The following LONP2 variants were observed in gnomAD, a reference collection of about 807,000 sequenced individuals.
LONP2 encodes lon peptidase 2, peroxisomal, also known as lon protease homolog 2, peroxisomal.
A neutral mutation model predicts 85.6 loss-of-function variants in LONP2; 60 were observed. The ratio of observed to expected loss-of-function variants is 0.70; its 90% confidence interval spans 0.57 to 0.87. The LOEUF (loss-of-function observed/expected upper bound fraction) is 0.87, where lower values mean the gene tolerates loss of function less well. Among genes scored for constraint, LONP2 ranks in the 40% least tolerant of loss-of-function variants. LONP2 has a pLI of 0.00. For synonymous variants in LONP2, 395 were observed against 389.7 expected, an observed-to-expected ratio of 1.01 and a Z score of -0.16; for missense variants, 860 against 1,063.5, an observed-to-expected ratio of 0.81 and a Z score of 2.66.
At position 48,353,995 on chromosome 16, in the gene LONP2, T is replaced by TTTTG. The variant is rs1218233668; in HGVS notation, c.*2197_*2200dup. On this transcript the variant is annotated 3_prime_UTR_variant, in exon 15 of 15. Coordinates refer to ENST00000285737, the MANE Select transcript of LONP2 (RefSeq NM_031490.5). ...TTGCACTAGCTTTGTTTTTGGTTTG[T>TTTTG]TTTGTTTTTTTTTTAATTCCAGGGG... 6.7e-6 allele frequency: 1 copy of TTTTG among 148,156 alleles called. No homozygotes were observed. The highest frequency in any genetic ancestry group is 2.0e-4 in the East Asian group (1 of 5,106). The allele number at this position is 148,156 out of a possible 1,614,324, so 9.2% of individuals were successfully genotyped here.
At chr16:48,329,391 C>T (rs1396350655) in intron 11 of LONP2, among the ~76,000 whole-genome samples, 1 of 152,220 alleles carries the variant, frequency 6.6e-6, no homozygotes, top group Non-Finnish European at 1.5e-5. Context: ...TTTAGCCACT[C>T]AGCAGCCATC....
At chr16:48,264,132 T>C (rs1971936966) in intron 6 of LONP2, among the ~76,000 whole-genome samples, 1 of 152,216 alleles carries the variant, frequency 6.6e-6, no homozygotes, top group Non-Finnish European at 1.5e-5. Flanking sequence ...AAATTGCTAA[T>C]GAAGTTTCGG....
At chr16:48,331,690 G>A (rs769976321) in intron 11 of LONP2, among the ~76,000 whole-genome samples, 10 of 151,244 alleles carry the variant, frequency 6.6e-5, no homozygotes, top group Non-Finnish European at 1.0e-4. Flanking sequence ...TCAGCCTCCC[G>A]AGTAGCTGGG....
At position 48,244,395 on chromosome 16, in the gene LONP2, T is replaced by A; in HGVS notation, c.7T>A (p.Ser3Thr). ...AGTGCGAAAGGCTGCCAGCATGTCA[T>A]CAGTGAGCCCCATCCAGATCCCCAG... is the stretch of plus-strand genomic sequence containing the variant. Reference protein sequence around the residue: MSSVSPIQIPSRL... With the variant: MSTVSPIQIPSRL... The change falls in exon 1 of 15, where the codon TCA (serine) becomes ACA (threonine). Residue 3 changes from serine to threonine, a missense_variant. Coordinates refer to ENST00000285737, the MANE Select transcript of LONP2 (RefSeq NM_031490.5). 6.5e-7 allele frequency: 1 copy of A among 1,549,578 alleles called. No individual in the cohort carries two copies. Among genetic ancestry groups the A allele is most frequent in the South Asian group, 1.2e-5 (1 of 85,750 alleles).
intron 14 of LONP2, among the ~76,000 whole-genome samples, chr16:48,348,713 C>G (rs1411708966): frequency 1.3e-5 from 2 of 152,076 alleles, no homozygotes; most frequent in Non-Finnish European, 1.5e-5. Context: ...AGGCTTGTCT[C>G]AAACTCCAGG....
chr16:48,252,182 G>GC lies in LONP2; in HGVS notation c.289dup (p.His97ProfsTer27). 6.2e-7 allele frequency: 1 copy of GC among 1,611,026 alleles called. No homozygotes were observed. Reference sequence around the variant, plus strand: ...AGGTTGTGGGCAGTAACTGGCCCAAGCCCCACTACACTCTGTTGATTACAG... The same window carrying GC: ...AGGTTGTGGGCAGTAACTGGCCCAAGCCCCCACTACACTCTGTTGATTACAG... On this transcript the variant is annotated frameshift_variant, in exon 2 of 15. Coordinates refer to ENST00000285737, the MANE Select transcript of LONP2 (RefSeq NM_031490.5). LOFTEE classifies it high-confidence loss of function.
Position 48,347,696 on chromosome 16 carries a change from A to T in LONP2, c.2128A>T (p.Lys710Ter), listed in dbSNP as rs1403605257. 1.9e-6 allele frequency: 3 copies of T among 1,613,560 alleles called. No individual in the cohort carries two copies. Among genetic ancestry groups the T allele is most frequent in the Admixed American group, 1.7e-5 (1 of 59,986 alleles). ...AISWLRSNAK[K>*]YQLTNAFGSF... ...CAGCTGGCTCCGCAGCAACGCAAAG[A>T]AGTACCAGCTGACCAATGGTAGGAG... Residue 710 changes from lysine (K) to a stop codon, truncating the protein, a stop_gained, in exon 13 of 15, where the codon AAG becomes TAG. Transcript: ENST00000285737. LOFTEE classifies it high-confidence loss of function.
chr16:48,347,088 A>G (rs1431338685), intron 12 of LONP2, among the ~76,000 whole-genome samples: 1 of 152,160 alleles, frequency 6.6e-6, no homozygotes, highest in Non-Finnish European at 1.5e-5. Flanking sequence ...CAGGAGGCAG[A>G]GTTTTCAGTG....
At chr16:48,337,910 C>T (rs1959702174) in intron 12 of LONP2, among the ~76,000 whole-genome samples, 1 of 152,158 alleles carries the variant, frequency 6.6e-6, no homozygotes, top group African/African-American at 2.4e-5. Flanking sequence ...ACCTCCTGGG[C>T]TCCCACTTCA....
chr16:48,309,932 A>C, intron 11 of LONP2, among the ~76,000 whole-genome samples: 1 of 151,566 alleles, frequency 6.6e-6, no homozygotes, highest in Non-Finnish European at 1.5e-5. Context: ...TTGTATTGCT[A>C]TCTGTCTCTT....
chr16:48,323,279 A>G (rs1472146426), intron 11 of LONP2, among the ~76,000 whole-genome samples: 1 of 152,200 alleles, frequency 6.6e-6, no homozygotes, highest in East Asian at 1.9e-4. Flanking sequence ...CTCTAAATTC[A>G]TTTTGATGGA....
rs190134334 is a variant in LONP2 at position 48,268,491 on chromosome 16, A to G, written c.983-1525A>G. On this transcript the variant is annotated intron_variant, in intron 6 of 14. Transcript: ENST00000285737. ...TGACCTAACACTGAACCATGTTTGC[A>G]TAACTAAAATAAATCCCACTGGGAC... is the stretch of plus-strand genomic sequence containing the variant. 1.7e-4 allele frequency among the ~76,000 whole-genome samples: 26 copies of G among 152,364 alleles called. No homozygotes were observed. In the East Asian group the frequency reaches 4.8e-3, roughly 28 times the overall value.
Position 48,341,214 on chromosome 16 carries a change from C to T in LONP2, c.1939-6293C>T, listed in dbSNP as rs138165466. Among the ~76,000 whole-genome samples, 656 of 152,268 alleles carry T rather than the reference C, an allele frequency of 4.3e-3. 3 individuals carry two copies. Among genetic ancestry groups the T allele is most frequent in the African/African-American group, 0.015 (620 of 41,536 alleles). On this transcript the variant is annotated intron_variant, in intron 12 of 14. Transcript: ENST00000285737. ...ACTCGAGAGGCCGAGGCAGAAGAAT[C>T]ACTTGAACCCAGGAGGCGGAGGTTG...
intron 9 of LONP2, among the ~76,000 whole-genome samples, chr16:48,299,135 G>A (rs989848680): frequency 1.3e-5 from 2 of 151,636 alleles, no homozygotes; most frequent in Non-Finnish European, 1.5e-5. Flanking sequence ...CAAGTGATCC[G>A]CCCGCCTCAG....
chr16:48,319,452 A>G (rs1019791706), intron 11 of LONP2, among the ~76,000 whole-genome samples: 1 of 152,186 alleles, frequency 6.6e-6, no homozygotes, highest in East Asian at 1.9e-4. Context: ...TTCTTGGAAC[A>G]GTCTTCTACT....
At position 48,248,639 on chromosome 16, in the gene LONP2, C is replaced by T. The variant is rs1290898646; in HGVS notation, c.234-3492C>T. Among the ~76,000 whole-genome samples the T allele has an allele frequency of 8.5e-5, 13 of 152,060 alleles. No individual in the cohort carries two copies. The East Asian group carries it at 1.9e-3, about 23-fold the overall frequency. ...GGGGAGGCCCCATATTATTCCAACACGGGCTGAACTGAACTAACATCATTG... is the reference window on the plus strand; with the variant it reads ...GGGGAGGCCCCATATTATTCCAACATGGGCTGAACTGAACTAACATCATTG... On this transcript the variant is annotated intron_variant, in intron 1 of 14. Transcript: ENST00000285737.
chr16:48,333,682 A>AAGAG (rs1226126441), intron 11 of LONP2, among the ~76,000 whole-genome samples: 2 of 146,394 alleles, frequency 1.4e-5, no homozygotes, highest in Non-Finnish European at 3.0e-5. Flanking sequence ...GAGAGAGAGA[A>AAGAG]AGAGAGAGAG....
chr16:48,334,070 T>TA, intron 11 of LONP2, 146 bp from the exon 12 acceptor site: 3 of 682,488 alleles, frequency 4.4e-6, no homozygotes, highest in Non-Finnish European at 7.3e-6. Flanking sequence ...ATTCCACAGA[T>TA]ACACAGGTGA....
intron 11 of LONP2, among the ~76,000 whole-genome samples, chr16:48,333,815 C>G (rs1295808714): frequency 6.6e-6 from 1 of 152,090 alleles, no homozygotes; most frequent in Non-Finnish European, 1.5e-5. Flanking sequence ...TCAGAGAATC[C>G]AAAGTAACCT....
Sources: allele counts gnomAD v4.1 joint callset (sites outside exome capture counted in the v4.1 genomes callset), GRCh38; gene constraint gnomAD v4.1.1; transcripts MANE v1.5; gene names NCBI Gene and HGNC (gene_info 2026-07-23, HGNC 2026-07-21).